BTF3L4: variants seen among roughly 807,000 people sequenced by gnomAD.
BTF3L4 encodes basic transcription factor 3 like 4, also known as transcription factor BTF3 homolog 4.
Under a neutral mutation model 16.8 loss-of-function variants are expected in BTF3L4, and 6 were observed. The ratio of observed to expected loss-of-function variants is 0.36; its 90% CI spans 0.20 to 0.71. The LOEUF is 0.71. BTF3L4 is among the 30% of genes least tolerant of loss of function. The pLI is 0.58. For missense variants in BTF3L4, 92 were observed against 186.9 expected (o/e 0.49, Z 2.96); for synonymous variants, 39 against 59.8 (o/e 0.65, Z 1.60).
intron 2 of BTF3L4, among the ~76,000 whole-genome samples, chr1:52,064,115 A>C (rs1044170156): frequency 1.3e-5 from 2 of 152,184 alleles, no homozygotes; most frequent in African/African-American, 4.8e-5. Flanking sequence ...ACTCTGCTCT[A>C]GCCATACTGG....
intron 3 of BTF3L4, among the ~76,000 whole-genome samples, chr1:52,070,557 C>A (rs74763808): frequency 6.3e-3 from 652 of 103,860 alleles, no homozygotes; most frequent in African/African-American, 6.9e-3. Flanking sequence ...GACTCCATCT[C>A]AAAAAAAAAA....
Position 52,083,453 on chromosome 1 carries a change from C to G in BTF3L4, c.282C>G (p.Ile94Met). The G allele has an allele frequency of 6.2e-7, 1 of 1,612,374 alleles. No individual in the cohort carries two copies. The highest frequency in any genetic ancestry group is 8.5e-7 in the Non-Finnish European group (1 of 1,178,610). The stretch of plus-strand genomic sequence containing the variant: ...CTGGTCATGCAGAAGCCAAACCAAT[C>G]ACAGAAATGCTTCCTGGAATATTAA... ...AITGHAEAKP[I>M]TEMLPGILSQ... The change falls in exon 4 of 6, where the codon ATC becomes ATG. Residue 94 changes from isoleucine to methionine, a missense_variant. Physicochemically the swap from Ile to Met is conservative, Grantham distance 10 (BLOSUM62 1). Transcript: ENST00000313334.
chr1:52,066,647 T>C (rs1235301984), intron 3 of BTF3L4, among the ~76,000 whole-genome samples: 1 of 148,206 alleles, frequency 6.7e-6, no homozygotes, highest in Admixed American at 6.7e-5. Context: ...ATCGAGACCA[T>C]CCTGGCTAAC....
At chr1:52,079,898 G>T (rs1340930833) in intron 3 of BTF3L4, among the ~76,000 whole-genome samples, 1 of 137,378 alleles carries the variant, frequency 7.3e-6, no homozygotes, top group Non-Finnish European at 1.5e-5. Context: ...TTGAGACAGG[G>T]TCTCGCTCTG....
intron 4 of BTF3L4, among the ~76,000 whole-genome samples, chr1:52,084,760 C>T (rs1643954808): frequency 1.2e-5 from 1 of 81,550 alleles, no homozygotes; most frequent in African/African-American, 4.7e-5. Context: ...CACTGTACTT[C>T]AACCTGGGTG....
rs751577550 is a variant in BTF3L4, at chr1:52,086,226, A to G, written c.430+55A>G. ...TTAAGCATCCTGTTTATCTCCTTTCAGTCATTGCATAGATAACTTTTAGGT... is the reference window on the plus strand; with the variant it reads ...TTAAGCATCCTGTTTATCTCCTTTCGGTCATTGCATAGATAACTTTTAGGT... On this transcript the variant is annotated intron_variant, in intron 5 of 5. Transcript: ENST00000313334. 7 of 1,332,242 alleles carry G rather than the reference A, an allele frequency of 5.3e-6. No homozygotes were observed. The East Asian group carries it at 9.3e-5, about 18-fold the overall frequency. The allele number at this position is 1,332,242 out of a possible 1,614,324, so 82.5% of individuals were successfully genotyped here. A position where few individuals can be genotyped will look rare whatever the true frequency, so the allele number is the denominator to read the frequency against.
chr1:52,061,640 T>G lies in BTF3L4; in HGVS notation c.54+1739T>G, dbSNP rs1208775752. 3.6e-5 allele frequency among the ~76,000 whole-genome samples: 5 copies of G among 138,976 alleles called. No individual in the cohort carries two copies. The Admixed American group carries it at 3.7e-4, about 10-fold the overall frequency. 91.2% of individuals were successfully genotyped at this position (138,976 alleles called of 152,430 possible). On this transcript the variant is annotated intron_variant, in intron 2 of 5. Transcript: ENST00000313334. ...TTTAATATGGTACAGCTATTCTTTT[T>G]TTTTTTTTTTTTTTTTTGAGACGGA...
At chr1:52,067,463 T>C (rs1384382468) in intron 3 of BTF3L4, among the ~76,000 whole-genome samples, 2 of 152,216 alleles carry the variant, frequency 1.3e-5, no homozygotes, top group Non-Finnish European at 2.9e-5. Context: ...TACTCTGAGA[T>C]ACAGATTAGA....
chr1:52,078,736 A>G (rs933611696), intron 3 of BTF3L4, among the ~76,000 whole-genome samples: 1 of 152,204 alleles, frequency 6.6e-6, no homozygotes, highest in Non-Finnish European at 1.5e-5. Flanking sequence ...TATACACATC[A>G]GTATTAAAGC....
At chr1:52,072,778 C>T (rs969357840) in intron 3 of BTF3L4, among the ~76,000 whole-genome samples, 4 of 151,920 alleles carry the variant, frequency 2.6e-5, no homozygotes, top group Non-Finnish European at 4.4e-5. Context: ...AATATATTGC[C>T]GGATGAGTGC....
intron 3 of BTF3L4, 70 bp from the exon 4 acceptor site, chr1:52,083,270 T>G: frequency 7.4e-7 from 1 of 1,342,972 alleles, no homozygotes; most frequent in Non-Finnish European, 1.1e-6. Flanking sequence ...TTGGCTGAAT[T>G]GCTTTTTAAA....
chr1:52,076,404 T>C (rs1686934022), intron 3 of BTF3L4, among the ~76,000 whole-genome samples: 1 of 152,118 alleles, frequency 6.6e-6, no homozygotes, highest in East Asian at 1.9e-4. Flanking sequence ...TGAAACCCCA[T>C]CTCTACTAAA....
At chr1:52,080,672 T>C (rs1334613698) in intron 3 of BTF3L4, among the ~76,000 whole-genome samples, 1 of 151,544 alleles carries the variant, frequency 6.6e-6, no homozygotes, top group Admixed American at 6.6e-5. Flanking sequence ...TAGCTGGGGT[T>C]ATAGGTGCCT....
chr1:52,069,723 T>C (rs1686737059), intron 3 of BTF3L4, among the ~76,000 whole-genome samples: 1 of 152,160 alleles, frequency 6.6e-6, no homozygotes, highest in African/African-American at 2.4e-5. Context: ...AAGTGCTCAG[T>C]TTAGGGAGTG....
intron 2 of BTF3L4, 114 bp downstream of exon 2, chr1:52,060,015 C>A: frequency 1.0e-6 from 1 of 965,816 alleles, no homozygotes; most frequent in Non-Finnish European, 1.5e-6. Flanking sequence ...CAAGATCAAA[C>A]CACATTCCAA....
intron 3 of BTF3L4, 133 bp from the exon 4 acceptor site, chr1:52,083,207 G>A (rs1048879767): frequency 1.2e-5 from 8 of 686,086 alleles, no homozygotes; most frequent in Middle Eastern, 2.5e-4. Flanking sequence ...AATGTCCGTT[G>A]CTTGGCCAGT....
chr1:52,071,368 C>T (rs1686782414), intron 3 of BTF3L4: 2 of 152,136 alleles, frequency 1.3e-5, no homozygotes, highest in African/African-American at 4.8e-5. Context: ...TGCTGTTAGC[C>T]TAAGTTGCTC....
At position 52,090,550 on chromosome 1, in the gene BTF3L4, G is replaced by A. The variant is rs551909653; in HGVS notation, c.*3792G>A. 23 of 152,260 alleles carry A rather than the reference G, an allele frequency of 1.5e-4. No homozygotes were observed. Among genetic ancestry groups the A allele is most frequent in the African/African-American group, 5.3e-4 (22 of 41,550 alleles). The allele number at this position is 152,260 out of a possible 1,614,324, so 9.4% of individuals were successfully genotyped here. On this transcript the variant is annotated 3_prime_UTR_variant, in exon 6 of 6. Transcript: ENST00000313334. ...CTACCTAAATTTCCTATCTGAGCAT[G>A]TCCTTACATTTACTTCCAGCATACT...
intron 3 of BTF3L4, among the ~76,000 whole-genome samples, chr1:52,068,737 T>C (rs768703565): frequency 6.6e-6 from 1 of 152,244 alleles, no homozygotes; most frequent in Non-Finnish European, 1.5e-5. Context: ...ATATAGGTAC[T>C]GAGCACCTAC....
Sources: gnomAD v4.1 joint callset for allele counts (sites outside exome capture counted in the v4.1 genomes callset) on GRCh38, gnomAD v4.1.1 for gene constraint, MANE v1.5 for transcripts, NCBI Gene and HGNC (gene_info 2026-07-23, HGNC 2026-07-21) for gene names.